Variants in PCDH11X observed in about 807,000 individuals in gnomAD.
PCDH11X encodes the protein protocadherin 11 X-linked.
In PCDH11X, 18 loss-of-function variants were observed where a neutral mutation model predicts 53.3. The ratio of observed to expected loss-of-function variants is 0.34; its 90% CI spans 0.23 to 0.50. The LOEUF is 0.50. PCDH11X is among the 20% of genes least tolerant of loss of function. The probability of loss-of-function intolerance (pLI) is 0.98; values close to 1 mark genes in which losing one functional copy is unlikely to be tolerated. For synonymous variants in PCDH11X, 279 were observed against 393.3 expected (o/e 0.71, Z 3.44); for missense variants, 570 against 1,032.4 (o/e 0.55, Z 6.14).
intron 8 of PCDH11X, among the ~76,000 whole-genome samples, chrX:92,386,018 A>T (rs941912622): frequency 1.8e-5 from 2 of 111,992 alleles, no homozygotes; most frequent in African/African-American, 6.5e-5. Context: ...TGTTACACTT[A>T]CATGTAGAAA....
At chrX:91,898,858 T>C (rs768649336) in intron 6 of PCDH11X, among the ~76,000 whole-genome samples, 1 of 110,362 alleles carries the variant, frequency 9.1e-6, no homozygotes, top group Admixed American at 9.8e-5. Flanking sequence ...CTTTCCTATC[T>C]AATATATCTA....
chrX:91,828,302 A>G (rs1252765304), intron 4 of PCDH11X, among the ~76,000 whole-genome samples: 4 of 109,217 alleles, frequency 3.7e-5, no homozygotes, highest in African/African-American at 1.3e-4. Context: ...TGTATTTTTT[A>G]GTAGAGACGG....
intron 10 of PCDH11X, among the ~76,000 whole-genome samples, chrX:92,519,982 A>G (rs2074339160): frequency 9.3e-6 from 1 of 107,544 alleles, no homozygotes; most frequent in Non-Finnish European, 1.9e-5. Flanking sequence ...GGAGGGAAAA[A>G]CTGATTGGCT....
chrX:92,296,622 C>G (rs12007684), intron 8 of PCDH11X, among the ~76,000 whole-genome samples: 3,612 of 110,392 alleles, frequency 0.033, 111 homozygotes, highest in East Asian at 0.26. Flanking sequence ...TACCTATGTA[C>G]CACATTGTTT....
intron 6 of PCDH11X, among the ~76,000 whole-genome samples, chrX:92,026,577 C>T (rs1355428117): frequency 9.9e-6 from 1 of 101,467 alleles, no homozygotes; most frequent in African/African-American, 3.8e-5. Flanking sequence ...AAAATAGTAT[C>T]TATGGATTCC....
intron 10 of PCDH11X, among the ~76,000 whole-genome samples, chrX:92,546,937 A>C (rs1318457737): frequency 9.0e-6 from 1 of 111,501 alleles, no homozygotes; most frequent in Non-Finnish European, 1.9e-5. Context: ...TGAAATACCC[A>C]TCTTTTGTTC....
intron 1 of PCDH11X, among the ~76,000 whole-genome samples, chrX:91,783,484 T>A (rs1935230113): frequency 1.8e-5 from 2 of 112,111 alleles, no homozygotes; most frequent in African/African-American, 6.5e-5. Flanking sequence ...ACTTTATTTT[T>A]TTTTTTGCGA....
intron 9 of PCDH11X, among the ~76,000 whole-genome samples, chrX:92,431,579 A>G (rs2148625699): frequency 9.1e-6 from 1 of 110,427 alleles, no homozygotes; most frequent in African/African-American, 3.3e-5. Context: ...AAATGGGAGT[A>G]TTTCTATTAT....
chrX:92,618,773 G>A lies in PCDH11X; in HGVS notation c.3877G>A (p.Asp1293Asn), dbSNP rs1928271843. ...VQGADGLCSV[D>N]QGVQGSATSQ... ...AGGTGCTGATGGGCTATGCTCTGTT[G>A]ATCAGGGAGTGCAAGGTAGTGCAAC... The change falls in exon 11 of 11, where the codon GAT becomes AAT. Residue 1293 changes from aspartate (D) to asparagine (N), a missense_variant. This residue lies in a region of PCDH11X where 234 missense variants were observed against 296.1 expected (regional missense o/e 0.79). Coordinates refer to ENST00000682573, the MANE Select transcript of PCDH11X (RefSeq NM_032968.5). 3.0e-5 allele frequency: 36 copies of A among 1,211,822 alleles called. No individual in the cohort carries two copies. The highest frequency in any genetic ancestry group is 4.0e-5 in the Non-Finnish European group (36 of 895,507).
intron 9 of PCDH11X, among the ~76,000 whole-genome samples, chrX:92,462,496 G>A (rs1301462265): frequency 5.4e-5 from 6 of 111,118 alleles, no homozygotes. Flanking sequence ...AAATGTTTGA[G>A]AGCTAAAATT....
chrX:91,918,303 T>C (rs1468947334), intron 6 of PCDH11X, among the ~76,000 whole-genome samples: 1 of 109,365 alleles, frequency 9.1e-6, no homozygotes, highest in Non-Finnish European at 1.9e-5. Flanking sequence ...TTATTTTTGC[T>C]GGAATTTCTC....
intron 8 of PCDH11X, among the ~76,000 whole-genome samples, chrX:92,379,152 G>A (rs2070816745): frequency 8.9e-6 from 1 of 112,634 alleles, no homozygotes. Context: ...CGCCCTCCCA[G>A]GTGCAGTTGC....
At chrX:92,231,175 C>T (rs923096884) in intron 7 of PCDH11X, among the ~76,000 whole-genome samples, 4 of 111,127 alleles carry the variant, frequency 3.6e-5, no homozygotes, top group African/African-American at 1.3e-4. Flanking sequence ...ACTCTAAATG[C>T]TTTTTTATTT....
intron 10 of PCDH11X, among the ~76,000 whole-genome samples, chrX:92,555,710 C>T (rs1375141169): frequency 9.0e-6 from 1 of 111,005 alleles, no homozygotes; most frequent in Non-Finnish European, 1.9e-5. Flanking sequence ...ATTACCATCC[C>T]TTCTATTCAA....
intron 8 of PCDH11X, among the ~76,000 whole-genome samples, chrX:92,314,276 G>T (rs1317225351): frequency 9.0e-6 from 1 of 110,773 alleles, no homozygotes; most frequent in Non-Finnish European, 1.9e-5. Flanking sequence ...CATATGTTCA[G>T]CTAGGCCTAC....
intron 1 of PCDH11X, among the ~76,000 whole-genome samples, chrX:91,804,689 T>A (rs1426954409): frequency 9.0e-6 from 1 of 111,265 alleles, no homozygotes; most frequent in Non-Finnish European, 1.9e-5. Flanking sequence ...ATTTTAGTTT[T>A]GAACCATTAG....
At chrX:92,478,951 T>C (rs2073446700) in intron 10 of PCDH11X, among the ~76,000 whole-genome samples, 1 of 109,568 alleles carries the variant, frequency 9.1e-6, no homozygotes, top group Admixed American at 9.7e-5. Context: ...TCTAATACTG[T>C]CAAAGGGTGT....
intron 10 of PCDH11X, among the ~76,000 whole-genome samples, chrX:92,484,212 T>C (rs1294146324): frequency 1.0e-4 from 8 of 80,151 alleles, no homozygotes; most frequent in African/African-American, 4.7e-4. Context: ...TATATGTATA[T>C]ATATGTATAT....
Position 92,218,467 on chromosome X carries a change from C to A in PCDH11X, c.3114+17012C>A, listed in dbSNP as rs147119123. On this transcript the variant is annotated intron_variant, in intron 7 of 10. Transcript: ENST00000682573. ...TCTAGAAGAAATGGATAAATTCCTC[C>A]ATACATACACCCTCCCAAGACTAAA... 3.7e-5 allele frequency among the ~76,000 whole-genome samples: 4 copies of A among 108,727 alleles called. No individual in the cohort carries two copies. The South Asian group carries it at 1.2e-3, about 33-fold the overall frequency. 94.4% of individuals were successfully genotyped at this position (108,727 alleles called of 115,157 possible). A position where few individuals can be genotyped will look rare whatever the true frequency, so the allele number is the denominator to read the frequency against.
Sources: gnomAD v4.1 joint callset for allele counts (sites outside exome capture counted in the v4.1 genomes callset) on GRCh38, gnomAD v4.1.1 for gene constraint, gnomAD v4.1.1 regional missense constraint, MANE v1.5 for transcripts, NCBI Gene and HGNC (gene_info 2026-07-23, HGNC 2026-07-21) for gene names.